DAB1: variants seen among roughly 807,000 people sequenced by gnomAD.
DAB1 encodes disabled homolog 1.
A neutral mutation model predicts 64.6 loss-of-function variants in DAB1; 15 were observed. The ratio of observed to expected loss-of-function variants is 0.23; its 90% confidence interval spans 0.16 to 0.36. DAB1 has a LOEUF of 0.36. DAB1 is among the 10% of genes least tolerant of loss of function. The pLI, the probability that DAB1 is intolerant of heterozygous loss-of-function variation, is 1.00. For missense variants in DAB1, 596 were observed against 706.7 expected (o/e 0.84, Z 1.78); for synonymous variants, 235 against 251.9 (o/e 0.93, Z 0.64).
intron 4 of DAB1, among the ~76,000 whole-genome samples, chr1:57,094,132 T>C (rs1318879471): frequency 2.5e-5 from 3 of 120,380 alleles, no homozygotes; most frequent in Admixed American, 1.9e-4. Context: ...AAAAGGAATC[T>C]TGGAGTTGAC....
chr1:57,908,376 C>G (rs1393268540), intron 5 of DAB1, among the ~76,000 whole-genome samples: 1 of 152,074 alleles, frequency 6.6e-6, no homozygotes, highest in Non-Finnish European at 1.5e-5. Flanking sequence ...ACAAGCAGCC[C>G]AACAGCCGAT....
At chr1:58,171,587 T>C (rs573283932) in intron 4 of DAB1, among the ~76,000 whole-genome samples, 1 of 152,350 alleles carries the variant, frequency 6.6e-6, no homozygotes, top group African/African-American at 2.4e-5. Flanking sequence ...TGCCTTATTC[T>C]GTATTCCCCT....
chr1:57,335,414 T>A (rs1251974649), intron 1 of DAB1, among the ~76,000 whole-genome samples: 1 of 152,178 alleles, frequency 6.6e-6, no homozygotes, highest in Non-Finnish European at 1.5e-5. Context: ...AGCATTAGAT[T>A]TTGCTTGATA....
intron 4 of DAB1, among the ~76,000 whole-genome samples, chr1:57,127,574 G>A (rs993129648): frequency 6.6e-6 from 1 of 152,018 alleles, no homozygotes. Context: ...TCCACAAAGT[G>A]GGGACCTTCA....
At chr1:57,887,473 G>C (rs534703676), upstream of DAB1, among the ~76,000 whole-genome samples, 1 of 152,278 alleles carries the variant, frequency 6.6e-6, no homozygotes, top group Non-Finnish European at 1.5e-5. Flanking sequence ...CCTTCAATCT[G>C]CCAGTCAACG....
chr1:57,090,490 C>T (rs1653551269), intron 4 of DAB1, among the ~76,000 whole-genome samples: 1 of 152,102 alleles, frequency 6.6e-6, no homozygotes, highest in African/African-American at 2.4e-5. Context: ...CTAAAGTGCC[C>T]CCTACCTGTC....
chr1:57,839,067 C>G (rs1340923864), intron 1 of DAB1, among the ~76,000 whole-genome samples: 4 of 152,136 alleles, frequency 2.6e-5, no homozygotes, highest in Non-Finnish European at 4.4e-5. Flanking sequence ...ACGCATGAGC[C>G]ACTGCACCCA....
intron 4 of DAB1, among the ~76,000 whole-genome samples, chr1:58,168,752 C>T (rs981909711): frequency 1.3e-5 from 2 of 152,210 alleles, no homozygotes; most frequent in African/African-American, 4.8e-5. Context: ...AAAGGTGTCA[C>T]TCTTCCTACC....
chr1:57,633,722 A>G (rs974817504), intron 7 of DAB1, among the ~76,000 whole-genome samples: 2 of 152,212 alleles, frequency 1.3e-5, no homozygotes, highest in Non-Finnish European at 2.9e-5. Context: ...AGTCTGAAAA[A>G]TAGATTCAAT....
At chr1:57,812,386 G>A (rs1651671938) in intron 6 of DAB1, among the ~76,000 whole-genome samples, 1 of 150,938 alleles carries the variant, frequency 6.6e-6, no homozygotes. Context: ...GGGAAACTCA[G>A]AGACAAAGAA....
intron 5 of DAB1, among the ~76,000 whole-genome samples, chr1:57,919,401 C>T (rs1309546507): frequency 6.6e-6 from 1 of 152,190 alleles, no homozygotes; most frequent in Non-Finnish European, 1.5e-5. Flanking sequence ...TATACATGTA[C>T]AGGATCATAG....
chr1:58,000,251 G>T (rs1342226537), intron 5 of DAB1, among the ~76,000 whole-genome samples: 1 of 152,190 alleles, frequency 6.6e-6, no homozygotes, highest in African/African-American at 2.4e-5. Flanking sequence ...GATGTGAAAT[G>T]TACTTACAAA....
At chr1:57,566,954 C>T (rs972015636) in intron 7 of DAB1, among the ~76,000 whole-genome samples, 3 of 152,268 alleles carry the variant, frequency 2.0e-5, no homozygotes, top group African/African-American at 7.2e-5. Flanking sequence ...GATACCAAAG[C>T]CTGGCAGAGA....
At chr1:58,427,153 G>T (rs1403001167) in intron 3 of DAB1, among the ~76,000 whole-genome samples, 1 of 152,034 alleles carries the variant, frequency 6.6e-6, no homozygotes, top group East Asian at 1.9e-4. Flanking sequence ...GGCAGGCAGG[G>T]GTGTGGTTAG....
rs946947454 is a variant in DAB1, at chr1:57,156,548, T to C, written c.68-11119A>G. Among the ~76,000 whole-genome samples, 3 of 152,274 alleles carry C rather than the reference T, an allele frequency of 2.0e-5. No individual in the cohort carries two copies. In the East Asian group the frequency reaches 5.8e-4, roughly 29 times the overall value. ...ATTAATTTATTTATGCTAAAGTGGG[T>C]AATGGACTCCAGGAGTCAGGACCAC... On this transcript the variant is annotated intron_variant, in intron 2 of 14. Transcript: ENST00000371236.
intron 4 of DAB1, among the ~76,000 whole-genome samples, chr1:58,201,735 C>T (rs773481203): frequency 6.6e-6 from 1 of 152,198 alleles, no homozygotes; most frequent in Admixed American, 6.5e-5. Flanking sequence ...CCTGCTTTCT[C>T]AAATTTCTCA....
chr1:57,414,044 A>G (rs972540030), intron 1 of DAB1, among the ~76,000 whole-genome samples: 1 of 152,246 alleles, frequency 6.6e-6, no homozygotes, highest in South Asian at 2.1e-4. Flanking sequence ...TGGTTTCTTG[A>G]GATGGAATCT....
At chr1:58,323,148 C>A (rs983457411) in intron 4 of DAB1, among the ~76,000 whole-genome samples, 1 of 151,814 alleles carries the variant, frequency 6.6e-6, no homozygotes, top group Non-Finnish European at 1.5e-5. Flanking sequence ...TAAATGACGA[C>A]TTAATGGGTG....
At chr1:57,180,608 A>G (rs938329184) in intron 2 of DAB1, among the ~76,000 whole-genome samples, 10 of 152,106 alleles carry the variant, frequency 6.6e-5, no homozygotes, top group African/African-American at 2.4e-4. Context: ...CCTAGATAAC[A>G]ATGACAAAAT....
Sources: gnomAD v4.1 joint callset for allele counts (sites outside exome capture counted in the v4.1 genomes callset) on GRCh38, gnomAD v4.1.1 for gene constraint, MANE v1.5 for transcripts, NCBI Gene and HGNC (gene_info 2026-07-23, HGNC 2026-07-21) for gene names.